AUTS2: variants seen among roughly 807,000 people sequenced by gnomAD.
The protein encoded by AUTS2 is activator of transcription and developmental regulator AUTS2.
A neutral mutation model predicts 112.4 loss-of-function variants in AUTS2; 17 were observed. The observed-to-expected ratio is 0.15, with a 90% CI of 0.10 to 0.23. The LOEUF (loss-of-function observed/expected upper bound fraction) is 0.23. Ranked by LOEUF, AUTS2 falls within the 10% of genes least tolerant of loss-of-function variation. The pLI, the probability that AUTS2 is intolerant of heterozygous loss-of-function variation, is 1.00. For synonymous variants in AUTS2, 751 were observed against 702.7 expected (o/e 1.07, Z -1.09); for missense variants, 1,510 against 1,701.6 (o/e 0.89, Z 1.98).
chr7:70,123,558 T>G (rs1292753791), intron 3 of AUTS2, among the ~76,000 whole-genome samples: 1 of 152,158 alleles, frequency 6.6e-6, no homozygotes, highest in Non-Finnish European at 1.5e-5. Context: ...TGTTCATAAG[T>G]TCTTATTATT....
chr7:69,724,647 C>G (rs568776700), intron 1 of AUTS2, among the ~76,000 whole-genome samples: 1 of 152,154 alleles, frequency 6.6e-6, no homozygotes, highest in Admixed American at 6.6e-5. Flanking sequence ...AAGATTTGAT[C>G]GAATGTTACT....
At chr7:70,730,920 G>T (rs181786050) in intron 6 of AUTS2, among the ~76,000 whole-genome samples, 51 of 152,290 alleles carry the variant, frequency 3.3e-4, no homozygotes, top group African/African-American at 1.1e-3. Context: ...ACTTGCTATT[G>T]TCTGTGTTTC....
intron 1 of AUTS2, among the ~76,000 whole-genome samples, chr7:69,816,249 G>C (rs1790756502): frequency 6.6e-6 from 1 of 152,200 alleles, no homozygotes; most frequent in Non-Finnish European, 1.5e-5. Flanking sequence ...ATTTCTAAAA[G>C]GGAAGGAGCC....
intron 2 of AUTS2, among the ~76,000 whole-genome samples, chr7:69,944,176 A>T (rs1478668921): frequency 6.6e-6 from 1 of 152,192 alleles, no homozygotes; most frequent in Non-Finnish European, 1.5e-5. Context: ...ATGGCATAGA[A>T]ACTCGACTTG....
At position 69,857,812 on chromosome 7, in the gene AUTS2, G is replaced by A. The variant is rs372223282; in HGVS notation, c.310-41474G>A. Among the ~76,000 whole-genome samples the A allele has an allele frequency of 6.5e-4, 97 of 149,196 alleles. 1 individual carries two copies. Among genetic ancestry groups the A allele is most frequent in the Admixed American group, 9.3e-4 (14 of 15,004 alleles). On this transcript the variant is annotated intron_variant, in intron 1 of 18. Transcript: ENST00000342771. Reference sequence around the variant, plus strand: ...AGACTGGGTGACAGAGTGAGACTCCGTCTCAAAAAAAAAAAAAAGACATTC... The same window carrying A: ...AGACTGGGTGACAGAGTGAGACTCCATCTCAAAAAAAAAAAAAAGACATTC...
intron 5 of AUTS2, among the ~76,000 whole-genome samples, chr7:70,688,694 G>A (rs1054246367): frequency 2.6e-5 from 4 of 152,080 alleles, no homozygotes; most frequent in African/African-American, 4.8e-5. Context: ...GCGTGGTGGC[G>A]CATGCCCATA....
At position 70,766,561 on chromosome 7, in the gene AUTS2, G is replaced by A. The variant is rs115121638; in HGVS notation, c.1689+227G>A. On this transcript the variant is annotated intron_variant, in intron 9 of 18. Coordinates refer to ENST00000342771, the MANE Select transcript of AUTS2 (RefSeq NM_015570.4). This position sits in a 1 kb window ranked among gnomAD's most constrained non-coding sequence, Gnocchi z 4.8. ...GGCAGTTGTATCCAGCACTGCGGGCGGAAATGATTCCATCTGCCCTCAAAA... is the reference window on the plus strand; with the variant it reads ...GGCAGTTGTATCCAGCACTGCGGGCAGAAATGATTCCATCTGCCCTCAAAA... 0.015 allele frequency among the ~76,000 whole-genome samples: 2,292 copies of A among 152,276 alleles called. 43 individuals carry two copies. The highest frequency in any genetic ancestry group is 0.052 in the African/African-American group (2,175 of 41,556).
chr7:70,159,245 C>T (rs75299471), intron 4 of AUTS2, among the ~76,000 whole-genome samples: 386 of 152,274 alleles, frequency 2.5e-3, no homozygotes, highest in Middle Eastern at 6.8e-3. Flanking sequence ...ATCCCTCACA[C>T]GTGTTTGAAG....
In AUTS2 at chr7:69,844,113, C is replaced by T. The variant is rs1184335744; in HGVS notation, c.310-55173C>T. Among the ~76,000 whole-genome samples the T allele has an allele frequency of 3.9e-5, 6 of 152,066 alleles. No individual in the cohort carries two copies. In the South Asian group the frequency reaches 8.3e-4, roughly 21 times the overall value. On this transcript the variant is annotated intron_variant, in intron 1 of 18. Transcript: ENST00000342771. ...AATACTGAAGATGATAAAGCTGAAT[C>T]GGTAGAGCAATGTGTGATTAAAAAA...
intron 2 of AUTS2, among the ~76,000 whole-genome samples, chr7:70,025,512 C>G (rs1335749686): frequency 6.8e-6 from 1 of 148,132 alleles, no homozygotes; most frequent in Non-Finnish European, 1.5e-5. Flanking sequence ...AACGCAGTGG[C>G]TGGATCTTGG....
chr7:70,537,279 A>G (rs1800362413), intron 5 of AUTS2, among the ~76,000 whole-genome samples: 1 of 152,186 alleles, frequency 6.6e-6, no homozygotes, highest in Non-Finnish European at 1.5e-5. Flanking sequence ...TGTAACCAAG[A>G]TGTGTGTAGC....
At chr7:70,299,830 TA>T (rs11395113) in intron 4 of AUTS2, among the ~76,000 whole-genome samples, 13 of 147,806 alleles carry the variant, frequency 8.8e-5, no homozygotes, top group South Asian at 2.2e-4. Context: ...TTTTTTCCTT[TA>T]AAAAAAAAAA....
At chr7:70,010,612 A>T (rs1799758170) in intron 2 of AUTS2, among the ~76,000 whole-genome samples, 1 of 152,204 alleles carries the variant, frequency 6.6e-6, no homozygotes, top group African/African-American at 2.4e-5. Flanking sequence ...GAGTGTGAAC[A>T]AGAAATAAGC....
intron 2 of AUTS2, among the ~76,000 whole-genome samples, chr7:70,103,644 C>T (rs981674337): frequency 2.6e-5 from 4 of 152,006 alleles, no homozygotes; most frequent in East Asian, 1.9e-4. Context: ...CAGTGGCTCA[C>T]GCCTGTAATC....
rs542841568 is a variant in AUTS2 at position 69,935,780 on chromosome 7, C to G, written c.522+36282C>G. ...TTTGTACCCAGAGTTGAGAATAGAG[C>G]AGGCTGGGCACATAGGGTTCTGGGA... On this transcript the variant is annotated intron_variant, in intron 2 of 18. Coordinates refer to ENST00000342771, the MANE Select transcript of AUTS2 (RefSeq NM_015570.4). 1.3e-4 allele frequency among the ~76,000 whole-genome samples: 20 copies of G among 152,214 alleles called. No individual in the cohort carries two copies. The East Asian group carries it at 3.3e-3, about 25-fold the overall frequency.
In AUTS2 at chr7:70,680,771, G is replaced by A. The variant is rs941477514; in HGVS notation, c.691-17798G>A. Reference sequence around the variant, plus strand: ...TCATAAATTAAAAGAAAAGCTACCAGCCAACAACTGTATTTTTACCAGCCT... The same window carrying A: ...TCATAAATTAAAAGAAAAGCTACCAACCAACAACTGTATTTTTACCAGCCT... On this transcript the variant is annotated intron_variant, in intron 5 of 18. Transcript: ENST00000342771. Among the ~76,000 whole-genome samples, 3 of 152,138 alleles carry A rather than the reference G, an allele frequency of 2.0e-5. No individual in the cohort carries two copies. The East Asian group carries it at 5.8e-4, about 29-fold the overall frequency.
chr7:70,287,842 A>C (rs1788534643), intron 4 of AUTS2, among the ~76,000 whole-genome samples: 1 of 151,846 alleles, frequency 6.6e-6, no homozygotes, highest in Non-Finnish European at 1.5e-5. Flanking sequence ...TTTTTAGCTC[A>C]CCAAAAAATG....
intron 5 of AUTS2, among the ~76,000 whole-genome samples, chr7:70,680,702 T>G (rs565991665): frequency 6.6e-6 from 1 of 152,274 alleles, no homozygotes; most frequent in South Asian, 2.1e-4. Context: ...TACTGCCTAG[T>G]AGAATGTTGT....
At position 70,621,838 on chromosome 7, in the gene AUTS2, C is replaced by CTTTTT. The variant is rs67123941; in HGVS notation, c.691-76708_691-76704dup. ...GCTTACGTTAGTGCATAGTCATTCT[C>CTTTTT]TTTTTTTTTTTTTTTTTTTTTTTTT... On this transcript the variant is annotated intron_variant, in intron 5 of 18. Transcript: ENST00000342771. Among the ~76,000 whole-genome samples, 200 of 66,812 alleles carry CTTTTT rather than the reference C, an allele frequency of 3.0e-3. 38 individuals carry two copies. Among genetic ancestry groups the CTTTTT allele is most frequent in the South Asian group, 6.3e-3 (8 of 1,266 alleles). 43.8% of individuals were successfully genotyped at this position (66,812 alleles called of 152,430 possible).
Sources: allele counts gnomAD v4.1 joint callset (sites outside exome capture counted in the v4.1 genomes callset), GRCh38; gene constraint gnomAD v4.1.1; non-coding constraint Gnocchi (gnomAD v3.1); transcripts MANE v1.5; gene names NCBI Gene and HGNC (gene_info 2026-07-23, HGNC 2026-07-21).